WDR49: variants seen among roughly 807,000 people sequenced by gnomAD.
WDR49 encodes WD repeat domain 49.
A neutral mutation model predicts 119.5 loss-of-function variants in WDR49; 107 were observed. The ratio of observed to expected loss-of-function variants is 0.90; its 90% CI spans 0.77 to 1.05. The LOEUF (loss-of-function observed/expected upper bound fraction) is 1.05, where lower values mean the gene tolerates loss of function less well. Ranked by LOEUF, WDR49 falls within the 50% of genes least tolerant of loss-of-function variation. The pLI, the probability that WDR49 is intolerant of heterozygous loss-of-function variation, is 0.00. For synonymous variants in WDR49, 425 were observed against 418.8 expected (o/e 1.01, Z -0.18); for missense variants, 1,240 against 1,220.5 (o/e 1.02, Z -0.24).
intron 2 of WDR49, among the ~76,000 whole-genome samples, chr3:167,628,034 T>C (rs184964246): frequency 7.9e-5 from 12 of 152,148 alleles, no homozygotes; most frequent in Admixed American, 7.9e-4. Context: ...AACCAATCTT[T>C]GATGTTACTA....
chr3:167,588,717 C>T (rs572598070), intron 7 of WDR49, among the ~76,000 whole-genome samples: 1 of 152,070 alleles, frequency 6.6e-6, no homozygotes, highest in African/African-American at 2.4e-5. Flanking sequence ...TTTTCATATG[C>T]CTGTTTGCCA....
intron 5 of WDR49, among the ~76,000 whole-genome samples, chr3:167,612,036 CT>C (rs1293830992): frequency 1.6e-4 from 24 of 152,176 alleles, no homozygotes; most frequent in Admixed American, 1.4e-3. Flanking sequence ...AATACACATT[CT>C]TTTCCTCAGC....
At chr3:167,508,468 A>C (rs1751852180) in intron 16 of WDR49, among the ~76,000 whole-genome samples, 1 of 152,216 alleles carries the variant, frequency 6.6e-6, no homozygotes, top group South Asian at 2.1e-4. Context: ...TGAGAATTAA[A>C]TGAGGTAAAC....
At chr3:167,528,267 A>G (rs933229588) in intron 14 of WDR49, among the ~76,000 whole-genome samples, 2 of 152,020 alleles carry the variant, frequency 1.3e-5, no homozygotes, top group African/African-American at 4.8e-5. Context: ...AGAAAAATAT[A>G]AATAGTAAAG....
chr3:167,645,460 C>G (rs1718076597), intron 2 of WDR49, among the ~76,000 whole-genome samples: 2 of 152,120 alleles, frequency 1.3e-5, no homozygotes, highest in Admixed American at 6.6e-5. Flanking sequence ...TTGTGCCCGC[C>G]TTGGCCTCCC....
Position 167,500,271 on chromosome 3 carries a change from G to A in WDR49, c.2913C>T (p.Ala971=), listed in dbSNP as rs1229296565. 1 of 1,604,308 alleles carries A rather than the reference G, an allele frequency of 6.2e-7. No homozygotes were observed. The highest frequency in any genetic ancestry group is 1.1e-5 in the South Asian group (1 of 89,100). The change falls in exon 18 of 19, where the codon GCC becomes GCT. Residue 971 remains alanine (A), a synonymous_variant. Transcript: ENST00000682715. The part of the protein sequence containing the change: ...FSTFRSLNIG[A]LEELPEVNKP... ...TATTCACTTCAGGCAGCTCTTCCAG[G>A]GCTCCAATGTTTAATGACCTAAATG...
intron 2 of WDR49, among the ~76,000 whole-genome samples, chr3:167,633,166 C>T (rs986850517): frequency 1.3e-5 from 2 of 151,000 alleles, no homozygotes; most frequent in Admixed American, 1.3e-4. Flanking sequence ...TGATCTCTAC[C>T]AGGGTGGCTA....
In WDR49 at chr3:167,519,416, A is replaced by G. The variant is rs142942988; in HGVS notation, c.2774+2899T>C. ...TGCCCATCAATGATAGACTGGATAA[A>G]GAAAATGTTACATATACACCATGGA... On this transcript the variant is annotated intron_variant, in intron 16 of 18. Coordinates refer to ENST00000682715, the MANE Select transcript of WDR49 (RefSeq NM_001366157.1). 4.5e-3 allele frequency among the ~76,000 whole-genome samples: 688 copies of G among 152,354 alleles called. 9 individuals carry two copies. Among genetic ancestry groups the G allele is most frequent in the African/African-American group, 0.015 (644 of 41,574 alleles).
At chr3:167,618,889 A>G (rs1372381186) in intron 5 of WDR49, among the ~76,000 whole-genome samples, 1 of 152,188 alleles carries the variant, frequency 6.6e-6, no homozygotes, top group East Asian at 1.9e-4. Context: ...ACAAATGCTC[A>G]CTGATAGGTT....
At chr3:167,576,249 G>T in intron 7 of WDR49, 98 bp from the exon 8 acceptor site, 1 of 957,572 alleles carries the variant, frequency 1.0e-6, no homozygotes, top group South Asian at 1.6e-5. Context: ...CAGGCAGACA[G>T]TTGTTTCCTC....
intron 10 of WDR49, among the ~76,000 whole-genome samples, chr3:167,543,962 T>C (rs1251996869): frequency 6.6e-6 from 1 of 151,708 alleles, no homozygotes; most frequent in Non-Finnish European, 1.5e-5. Flanking sequence ...CAGTAAAGCT[T>C]CAGAATACAA....
At chr3:167,545,928 A>C (rs1044804503) in intron 10 of WDR49, among the ~76,000 whole-genome samples, 1 of 151,702 alleles carries the variant, frequency 6.6e-6, no homozygotes, top group African/African-American at 2.4e-5. Context: ...AATATTAAAA[A>C]GGCTTCACAA....
chr3:167,642,986 C>T (rs1318115686), intron 2 of WDR49, among the ~76,000 whole-genome samples: 3 of 151,596 alleles, frequency 2.0e-5, no homozygotes, highest in East Asian at 3.9e-4. Context: ...GAAGAGGGGC[C>T]GAAGACTCTC....
At chr3:167,584,631 A>C (rs1012560658) in intron 7 of WDR49, among the ~76,000 whole-genome samples, 1 of 152,172 alleles carries the variant, frequency 6.6e-6, no homozygotes, top group African/African-American at 2.4e-5. Context: ...AAACAAATTC[A>C]TGTATATTTA....
At chr3:167,514,104 T>A (rs1752099737) in intron 16 of WDR49, among the ~76,000 whole-genome samples, 1 of 152,144 alleles carries the variant, frequency 6.6e-6, no homozygotes. Flanking sequence ...CTAGATCAAG[T>A]GGACCTGATA....
intron 8 of WDR49, among the ~76,000 whole-genome samples, chr3:167,561,615 G>A (rs149092508): frequency 8.5e-4 from 129 of 152,252 alleles, no homozygotes; most frequent in Non-Finnish European, 1.5e-3. Context: ...GTTAGGGAGT[G>A]GAGGAGCAAG....
At chr3:167,587,686 G>A (rs1414033866) in intron 7 of WDR49, among the ~76,000 whole-genome samples, 1 of 151,898 alleles carries the variant, frequency 6.6e-6, no homozygotes, top group Non-Finnish European at 1.5e-5. Flanking sequence ...GTTTTTCCAT[G>A]TTGCCTAGGC....
At chr3:167,491,297 A>G (rs1412700190) in intron 18 of WDR49, among the ~76,000 whole-genome samples, 1 of 152,144 alleles carries the variant, frequency 6.6e-6, no homozygotes, top group Non-Finnish European at 1.5e-5. Flanking sequence ...GCGATGCTGA[A>G]CTTTACCTCA....
At chr3:167,534,161 C>T (rs1752942691) in intron 11 of WDR49, among the ~76,000 whole-genome samples, 1 of 151,990 alleles carries the variant, frequency 6.6e-6, no homozygotes, top group African/African-American at 2.4e-5. Flanking sequence ...CACCATTGCA[C>T]TCCAGCCTGG....
Sources: allele counts gnomAD v4.1 joint callset (sites outside exome capture counted in the v4.1 genomes callset), GRCh38; gene constraint gnomAD v4.1.1; transcripts MANE v1.5; gene names NCBI Gene and HGNC (gene_info 2026-07-23, HGNC 2026-07-21).